Variants in DNAH6 observed in about 807,000 individuals in gnomAD.
The protein encoded by DNAH6 is dynein axonemal heavy chain 6, also known as axonemal beta dynein heavy chain 6.
Under a neutral mutation model 491.4 loss-of-function variants are expected in DNAH6, and 340 were observed. The ratio of observed to expected loss-of-function variants is 0.69; its 90% CI spans 0.63 to 0.76. The LOEUF (loss-of-function observed/expected upper bound fraction) is 0.76. Among genes scored for constraint, DNAH6 ranks in the 30% least tolerant of loss-of-function variants. The pLI, the probability that DNAH6 is intolerant of heterozygous loss-of-function variation, is 0.00. For synonymous variants in DNAH6, 1,603 were observed against 1,686.1 expected (o/e 0.95, Z 1.21); for missense variants, 4,443 against 4,972.2 (o/e 0.89, Z 3.20).
rs145771341 is a variant in DNAH6, at chr2:84,705,738, C to T, written c.8718C>T (p.Arg2906=). 142 of 1,546,234 alleles carry T rather than the reference C, an allele frequency of 9.2e-5. No individual in the cohort carries two copies. Among genetic ancestry groups the T allele is most frequent in the East Asian group, 3.7e-4 (15 of 40,876 alleles). The change falls in exon 52 of 77, where the codon CGC becomes CGT. Residue 2906 remains arginine (R), a synonymous_variant. Transcript: ENST00000389394. ...KVVEPKRQKL[R]AAQAELDITM... is the part of the protein sequence containing the mutation. Reference sequence around the variant, plus strand: ...TCGAACCAAAAAGACAAAAGCTCCGCGCCGCACAGGTACATTTTCTGTATT... The same window carrying T: ...TCGAACCAAAAAGACAAAAGCTCCGTGCCGCACAGGTACATTTTCTGTATT...
intron 60 of DNAH6, among the ~76,000 whole-genome samples, chr2:84,726,154 G>C (rs1345775672): frequency 6.6e-6 from 1 of 152,180 alleles, no homozygotes; most frequent in Non-Finnish European, 1.5e-5. Flanking sequence ...AGTATTTCTA[G>C]GGAGGAGTGG....
chr2:84,762,205 T>C (rs1228096707), intron 63 of DNAH6, among the ~76,000 whole-genome samples: 1 of 151,916 alleles, frequency 6.6e-6, no homozygotes, highest in African/African-American at 2.4e-5. Flanking sequence ...GGTGAGTGAA[T>C]GAGATGAAGA....
At chr2:84,553,366 T>C (rs1679629248) in intron 10 of DNAH6, among the ~76,000 whole-genome samples, 1 of 9,410 alleles carries the variant, frequency 1.1e-4, no homozygotes, top group African/African-American at 3.9e-4. Flanking sequence ...TTTCTTTTCT[T>C]TTCTTTCTTT....
rs536109773 is a variant in DNAH6, at chr2:84,803,300, G to T, written c.11482-2365G>T. 2.0e-5 allele frequency among the ~76,000 whole-genome samples: 3 copies of T among 152,208 alleles called. No homozygotes were observed. The South Asian group carries it at 6.2e-4, about 32-fold the overall frequency. On this transcript the variant is annotated intron_variant, in intron 70 of 76. Transcript: ENST00000389394. Reference sequence around the variant, plus strand: ...ACAATAGACCCTGGGGACTCCAAAAGGGGGGAAAAGGAAGGAAGAAAAGAG... The same window carrying T: ...ACAATAGACCCTGGGGACTCCAAAATGGGGGAAAAGGAAGGAAGAAAAGAG...
At chr2:84,682,067 C>G (rs1693834103) in intron 42 of DNAH6, among the ~76,000 whole-genome samples, 1 of 152,202 alleles carries the variant, frequency 6.6e-6, no homozygotes, top group Non-Finnish European at 1.5e-5. Context: ...TCTGCTCTTT[C>G]TAGAAAGACC....
At chr2:84,625,924 G>T (rs1176358631) in intron 29 of DNAH6, among the ~76,000 whole-genome samples, 2 of 151,992 alleles carry the variant, frequency 1.3e-5, no homozygotes, top group African/African-American at 4.8e-5. Flanking sequence ...TCAGTTAATT[G>T]TTTATACTCT....
chr2:84,464,025 C>G, the DNAH6 span, among the ~76,000 whole-genome samples: 338 of 152,236 alleles, frequency 2.2e-3, 2 homozygotes, highest in Non-Finnish European at 4.0e-3. Flanking sequence ...TTTCCTTTCA[C>G]CAGAGTTTTG....
intron 64 of DNAH6, among the ~76,000 whole-genome samples, chr2:84,766,726 A>C (rs1675115466): frequency 6.6e-6 from 1 of 152,174 alleles, no homozygotes; most frequent in Non-Finnish European, 1.5e-5. Context: ...TGAGCCCGGC[A>C]CTCATGGCCA....
the DNAH6 span, among the ~76,000 whole-genome samples, chr2:84,470,798 G>A: frequency 5.3e-5 from 8 of 152,176 alleles, no homozygotes; most frequent in East Asian, 1.9e-4. Flanking sequence ...TCATGGGGGC[G>A]ACGAAGTCCG....
chr2:84,616,232 T>A (rs113351791), intron 22 of DNAH6, among the ~76,000 whole-genome samples: 1 of 152,012 alleles, frequency 6.6e-6, no homozygotes, highest in African/African-American at 2.4e-5. Context: ...AGTTGTTTCT[T>A]TGTTGACTTT....
intron 21 of DNAH6, among the ~76,000 whole-genome samples, chr2:84,609,071 T>C (rs1686053351): frequency 6.6e-6 from 1 of 152,236 alleles, no homozygotes; most frequent in Non-Finnish European, 1.5e-5. Flanking sequence ...CACAGCTTCC[T>C]CACCTCTCTT....
At chr2:84,504,499 T>C in the DNAH6 span, among the ~76,000 whole-genome samples, 1 of 152,116 alleles carries the variant, frequency 6.6e-6, no homozygotes, top group Non-Finnish European at 1.5e-5. Flanking sequence ...ATTGAAGAAT[T>C]AGGTATTTAT....
intron 14 of DNAH6, among the ~76,000 whole-genome samples, chr2:84,583,727 A>G (rs1461801944): frequency 2.0e-5 from 3 of 152,194 alleles, no homozygotes; most frequent in Non-Finnish European, 2.9e-5. Flanking sequence ...GTTTCCCTGC[A>G]CAAGTTCTCT....
chr2:84,567,947 A>G (rs950671037), intron 11 of DNAH6, among the ~76,000 whole-genome samples: 3 of 152,150 alleles, frequency 2.0e-5, no homozygotes, highest in South Asian at 2.1e-4. Flanking sequence ...TGGCATATGT[A>G]TATTATATAA....
chr2:84,476,466 C>T, the DNAH6 span, among the ~76,000 whole-genome samples: 112 of 152,284 alleles, frequency 7.4e-4, no homozygotes, highest in Non-Finnish European at 1.5e-3. Flanking sequence ...CAGTTGGAAC[C>T]GACGGGCTAG....
chr2:84,815,898 T>A lies in DNAH6; in HGVS notation c.12188T>A (p.Met4063Lys). ...SPEDGVLVHG[M>K]FMDASRWDDK... ...GAGGATGGTGTTCTTGTTCATGGGA[T>A]GTTCATGGATGCTTCTCGATGGGAT... Residue 4063 changes from methionine to lysine, a missense_variant, in exon 76 of 77, where the codon ATG becomes AAG. Around this residue, in one of 3 missense-constraint regions of DNAH6, gnomAD observed 1,463 missense variants for 1,656.6 expected, o/e 0.88. Coordinates refer to ENST00000389394, the MANE Select transcript of DNAH6 (RefSeq NM_001370.2). The A allele has an allele frequency of 1.9e-6, 3 of 1,551,704 alleles. No individual in the cohort carries two copies. Among genetic ancestry groups the A allele is most frequent in the Non-Finnish European group, 2.6e-6 (3 of 1,146,996 alleles).
At chr2:84,761,170 C>T (rs537666353) in intron 63 of DNAH6, among the ~76,000 whole-genome samples, 12 of 152,126 alleles carry the variant, frequency 7.9e-5, no homozygotes, top group African/African-American at 2.7e-4. Flanking sequence ...TCTCTTGCAG[C>T]AACGTAGATG....
the DNAH6 span, among the ~76,000 whole-genome samples, chr2:84,502,024 A>G: frequency 6.6e-6 from 1 of 151,752 alleles, no homozygotes; most frequent in Non-Finnish European, 1.5e-5. Context: ...TTACAATTTC[A>G]TTTATTTCTG....
At chr2:84,583,946 A>G in intron 14 of DNAH6, 53 bp from the exon 15 acceptor site, 1 of 1,588,996 alleles carries the variant, frequency 6.3e-7, no homozygotes. Context: ...ACAAACTTCA[A>G]GACTAAACTA....
Sources: allele counts gnomAD v4.1 joint callset (sites outside exome capture counted in the v4.1 genomes callset), GRCh38; gene constraint gnomAD v4.1.1; regional missense constraint gnomAD v4.1.1; transcripts MANE v1.5; gene names NCBI Gene and HGNC (gene_info 2026-07-23, HGNC 2026-07-21).